FABP7: variants seen among roughly 807,000 people sequenced by gnomAD.
FABP7 encodes fatty acid-binding protein, brain.
In FABP7, 13 loss-of-function variants were observed where a neutral mutation model predicts 14.2. The ratio of observed to expected loss-of-function variants is 0.91; its 90% CI spans 0.59 to 1.45. The LOEUF (loss-of-function observed/expected upper bound fraction) is 1.45. Among genes scored for constraint, FABP7 ranks in the 40% most tolerant of loss-of-function variants. The pLI, the probability that FABP7 is intolerant of heterozygous loss-of-function variation, is 0.00. For missense variants in FABP7, 149 were observed against 157.6 expected (o/e 0.95, Z 0.29); for synonymous variants, 49 against 51.4 (o/e 0.95, Z 0.20).
chr6:122,774,661 A>G, the FABP7 span, among the ~76,000 whole-genome samples: 1 of 152,056 alleles, frequency 6.6e-6, no homozygotes, highest in African/African-American at 2.4e-5. Flanking sequence ...AGCCAGGGCA[A>G]TTAGACAAGA....
chr6:122,761,814 T>C, the FABP7 span, among the ~76,000 whole-genome samples: 1 of 152,144 alleles, frequency 6.6e-6, no homozygotes, highest in African/African-American at 2.4e-5. Context: ...TTTAATCCTT[T>C]CTGAAAAAGA....
At chr6:122,759,791 G>T in the FABP7 span, among the ~76,000 whole-genome samples, 2 of 152,058 alleles carry the variant, frequency 1.3e-5, no homozygotes, top group Non-Finnish European at 2.9e-5. Flanking sequence ...GATTCATTTG[G>T]AAATGCCATT....
At chr6:122,756,429 A>G in the FABP7 span, among the ~76,000 whole-genome samples, 1 of 152,172 alleles carries the variant, frequency 6.6e-6, no homozygotes, top group African/African-American at 2.4e-5. Flanking sequence ...GAGAAAATAG[A>G]CCCAATTAAA....
chr6:122,760,394 C>A, the FABP7 span, among the ~76,000 whole-genome samples: 2 of 152,136 alleles, frequency 1.3e-5, no homozygotes, highest in Non-Finnish European at 2.9e-5. Flanking sequence ...TTGCATGATA[C>A]ATTTTCTTCA....
the FABP7 span, among the ~76,000 whole-genome samples, chr6:122,766,652 A>T: frequency 2.0e-5 from 3 of 152,118 alleles, no homozygotes; most frequent in Non-Finnish European, 4.4e-5. Flanking sequence ...ACTACTAAAA[A>T]GTGATTTTCT....
the FABP7 span, among the ~76,000 whole-genome samples, chr6:122,749,270 T>C: frequency 1.3e-5 from 2 of 152,042 alleles, no homozygotes; most frequent in Admixed American, 1.3e-4. Flanking sequence ...TTAAACCTGG[T>C]GGAATGCAAC....
chr6:122,749,992 C>A, the FABP7 span, among the ~76,000 whole-genome samples: 1 of 152,154 alleles, frequency 6.6e-6, no homozygotes, highest in Non-Finnish European at 1.5e-5. Context: ...CTAGACATAA[C>A]ATGAATTGTG....
the FABP7 span, among the ~76,000 whole-genome samples, chr6:122,756,200 T>C: frequency 6.6e-6 from 1 of 152,168 alleles, no homozygotes; most frequent in Admixed American, 6.5e-5. Context: ...TCTCGCCCTT[T>C]GCCCTGGGGT....
At chr6:122,782,715 A>T in intron 3 of FABP7, 2 of 985,416 alleles carry the variant, frequency 2.0e-6, no homozygotes, top group Non-Finnish European at 2.4e-6. Flanking sequence ...TTGTTTAAGA[A>T]TGGGGACTCA....
chr6:122,768,365 T>TA, the FABP7 span, among the ~76,000 whole-genome samples: 1 of 152,124 alleles, frequency 6.6e-6, no homozygotes, highest in African/African-American at 2.4e-5. Context: ...GTGCCCAAAA[T>TA]AAACTATTGC....
upstream of FABP7, among the ~76,000 whole-genome samples, chr6:122,776,043 A>G (rs554091994): frequency 6.6e-6 from 1 of 152,210 alleles, no homozygotes; most frequent in East Asian, 1.9e-4. Flanking sequence ...GACAGTAAGA[A>G]TGTTGATAAA....
the FABP7 span, among the ~76,000 whole-genome samples, chr6:122,750,989 T>C: frequency 2.0e-5 from 3 of 152,224 alleles, no homozygotes; most frequent in Admixed American, 6.5e-5. Context: ...ATATATCACC[T>C]CATAATTCCC....
chr6:122,755,258 T>C, the FABP7 span, among the ~76,000 whole-genome samples: 187 of 152,090 alleles, frequency 1.2e-3, no homozygotes, highest in Non-Finnish European at 2.3e-3. Context: ...AAAATTCATC[T>C]CTCTTCCTAC....
At chr6:122,752,904 T>C in the FABP7 span, among the ~76,000 whole-genome samples, 3 of 152,364 alleles carry the variant, frequency 2.0e-5, no homozygotes, top group South Asian at 2.1e-4. Context: ...GTTAGTGGTC[T>C]CTCTCTGGTT....
At chr6:122,782,340 C>T (rs9401594) in intron 3 of FABP7, 299,396 of 511,840 alleles carry the variant, frequency 0.58, 87,967 homozygotes, top group South Asian at 0.64. Flanking sequence ...CATCCTTCTG[C>T]GGGCCCCCTC....
intron 1 of FABP7, 69 bp downstream of exon 1, chr6:122,779,936 T>G: frequency 2.0e-6 from 3 of 1,467,518 alleles, no homozygotes; most frequent in Non-Finnish European, 2.8e-6. Flanking sequence ...ATTCCATTTT[T>G]CACTCATCAG....
the FABP7 span, among the ~76,000 whole-genome samples, chr6:122,772,708 C>T: frequency 6.6e-6 from 1 of 152,132 alleles, no homozygotes; most frequent in African/African-American, 2.4e-5. Context: ...CATGAGCCAC[C>T]ATGCCCGGCC....
intron 3 of FABP7, chr6:122,783,042 T>C (rs1413756188): frequency 1.0e-6 from 1 of 985,308 alleles, no homozygotes; most frequent in East Asian, 1.1e-4. Flanking sequence ...ACTACAAGGA[T>C]ATACTATACT....
chr6:122,751,806 C>T, the FABP7 span, among the ~76,000 whole-genome samples: 1 of 152,144 alleles, frequency 6.6e-6, no homozygotes, highest in African/African-American at 2.4e-5. Context: ...GGGAAGCCGG[C>T]AAAGGAATCT....
Sources: gnomAD v4.1 joint callset for allele counts (sites outside exome capture counted in the v4.1 genomes callset) on GRCh38, gnomAD v4.1.1 for gene constraint, MANE v1.5 for transcripts, NCBI Gene and HGNC (gene_info 2026-07-23, HGNC 2026-07-21) for gene names.